Variants in FRMPD3 observed in about 807,000 individuals in gnomAD.
FRMPD3 encodes the protein FERM and PDZ domain containing 3.
In FRMPD3, 42 loss-of-function variants were observed where a neutral mutation model predicts 97.9. The observed-to-expected ratio is 0.43, with a 90% CI of 0.34 to 0.55. The LOEUF (loss-of-function observed/expected upper bound fraction) is 0.55. Ranked by LOEUF, FRMPD3 falls within the 20% of genes least tolerant of loss-of-function variation. The pLI, the probability that FRMPD3 is intolerant of heterozygous loss-of-function variation, is 0.03. For missense variants in FRMPD3, 1,303 were observed against 1,457.7 expected (o/e 0.89, Z 1.73); for synonymous variants, 577 against 581.1 (o/e 0.99, Z 0.10).
chrX:107,500,829 A>G (rs1305862880), intron 1 of FRMPD3, among the ~76,000 whole-genome samples: 1 of 109,588 alleles, frequency 9.1e-6, no homozygotes, highest in East Asian at 2.8e-4. Context: ...AAAAAAAGCA[A>G]TGCCTACTTC....
At chrX:107,488,297 T>C (rs1346952413) in intron 1 of FRMPD3, among the ~76,000 whole-genome samples, 1 of 112,150 alleles carries the variant, frequency 8.9e-6, no homozygotes. Context: ...GGCCTCATCA[T>C]TATGTCTCCA....
Position 107,603,413 on chromosome X carries a change from C to T in FRMPD3, c.*40C>T, listed in dbSNP as rs777244366. The T allele has an allele frequency of 1.2e-5, 13 of 1,119,690 alleles. No homozygotes were observed. The Admixed American group carries it at 1.5e-4, about 13-fold the overall frequency. 92.3% of individuals were successfully genotyped at this position (1,119,690 alleles called of 1,213,427 possible). On this transcript the variant is annotated 3_prime_UTR_variant, in exon 15 of 15. Coordinates refer to ENST00000683843, the MANE Select transcript of FRMPD3 (RefSeq NM_001388459.1). Reference sequence around the variant, plus strand: ...CCTGTCCCCCTTCCCCAACCATGGCCCCAGGTTTGAGCTTTGTGGTCCTTG... The same window carrying T: ...CCTGTCCCCCTTCCCCAACCATGGCTCCAGGTTTGAGCTTTGTGGTCCTTG...
At chrX:107,517,132 G>A (rs1468487157) in intron 1 of FRMPD3, among the ~76,000 whole-genome samples, 1 of 111,889 alleles carries the variant, frequency 8.9e-6, no homozygotes, top group Non-Finnish European at 1.9e-5. Flanking sequence ...ATTAAATAGG[G>A]AATCCTTTCC....
In FRMPD3 at chrX:107,454,313, A is replaced by G. The variant is rs747015941; in HGVS notation, c.-8+4308A>G. Among the ~76,000 whole-genome samples the G allele has an allele frequency of 6.1e-4, 68 of 110,811 alleles. 1 individual carries two copies. The highest frequency in any genetic ancestry group is 2.1e-3 in the African/African-American group (64 of 30,483). On this transcript the variant is annotated intron_variant, in intron 1 of 14. Coordinates refer to ENST00000683843, the MANE Select transcript of FRMPD3 (RefSeq NM_001388459.1). ...GCATGGCTTCCCTTCTCACCTCTTT[A>G]CCAACCATTCCCATTTCTCTAGCCC...
chrX:107,602,825 C>A lies in FRMPD3; in HGVS notation c.4786C>A (p.Leu1596Met). Reference sequence around the variant, plus strand: ...CCCTGATGGCTTCCTGGCTGCCCGGCTGGACACCAACGAGCTGCTGACAGT... The same window carrying A: ...CCCTGATGGCTTCCTGGCTGCCCGGATGGACACCAACGAGCTGCTGACAGT... ...GLPDGFLAAR[L>M]DTNELLTVLR... The change falls in exon 15 of 15, where the codon CTG becomes ATG. Residue 1596 changes from leucine (L) to methionine (M), a missense_variant. By Grantham distance (15) the Leu-to-Met change is conservative. Coordinates refer to ENST00000683843, the MANE Select transcript of FRMPD3 (RefSeq NM_001388459.1). 8.3e-7 allele frequency: 1 copy of A among 1,209,876 alleles called. No homozygotes were observed.
intron 12 of FRMPD3, among the ~76,000 whole-genome samples, chrX:107,575,600 G>C (rs1021048072): frequency 3.6e-5 from 4 of 111,468 alleles, no homozygotes; most frequent in African/African-American, 1.3e-4. Flanking sequence ...ACTGGCGCCT[G>C]CCACCACGCC....
chrX:107,566,601 A>G (rs1281588889), intron 12 of FRMPD3, among the ~76,000 whole-genome samples: 1 of 112,964 alleles, frequency 8.9e-6, no homozygotes, highest in South Asian at 3.6e-4. Flanking sequence ...TGAGTCTTCT[A>G]TGTTCTGAGT....
At chrX:107,575,538 C>T (rs188904615) in intron 12 of FRMPD3, among the ~76,000 whole-genome samples, 250 of 110,927 alleles carry the variant, frequency 2.3e-3, no homozygotes, top group African/African-American at 7.7e-3. Flanking sequence ...GCAACCTCCA[C>T]CTCCCTGATT....
chrX:107,574,845 TCTC>T (rs1923042548), intron 12 of FRMPD3, among the ~76,000 whole-genome samples: 2 of 111,976 alleles, frequency 1.8e-5, no homozygotes, highest in South Asian at 7.4e-4. Flanking sequence ...TCTGCCTAAT[TCTC>T]CTATTTCTTA....
intron 13 of FRMPD3, 81 bp downstream of exon 13, chrX:107,576,540 C>A: frequency 9.4e-7 from 1 of 1,060,141 alleles, no homozygotes; most frequent in Admixed American, 2.4e-5. Context: ...GCTTCTCTGC[C>A]TTAGTGCTCA....
At chrX:107,561,352 T>A (rs998173277) in intron 10 of FRMPD3, among the ~76,000 whole-genome samples, 15 of 110,596 alleles carry the variant, frequency 1.4e-4, no homozygotes, top group East Asian at 2.8e-4. Context: ...AAAAATAATT[T>A]AAAAAAAATG....
intron 4 of FRMPD3, among the ~76,000 whole-genome samples, chrX:107,536,468 T>A (rs975066807): frequency 8.9e-6 from 1 of 112,126 alleles, no homozygotes; most frequent in East Asian, 2.8e-4. Flanking sequence ...TCGAGATTCA[T>A]CCAACTTGTT....
intron 1 of FRMPD3, among the ~76,000 whole-genome samples, chrX:107,493,176 T>TAAA (rs1312094165): frequency 4.0e-4 from 1 of 2,478 alleles, no homozygotes; most frequent in African/African-American, 1.6e-3. Flanking sequence ...CGAGACCCTG[T>TAAA]CAAAAAAAAA....
At chrX:107,471,105 T>C (rs1009146770) in intron 1 of FRMPD3, among the ~76,000 whole-genome samples, 3 of 112,041 alleles carry the variant, frequency 2.7e-5, no homozygotes, top group Non-Finnish European at 5.6e-5. Flanking sequence ...GGTTCAGCAA[T>C]TGCGTTTGTT....
rs907662670 is a variant in FRMPD3, at chrX:107,484,576, C to G, written c.-8+34571C>G. Among the ~76,000 whole-genome samples the G allele has an allele frequency of 2.7e-5, 3 of 112,290 alleles. No individual in the cohort carries two copies. The Admixed American group carries it at 2.8e-4, about 11-fold the overall frequency. On this transcript the variant is annotated intron_variant, in intron 1 of 14. Transcript: ENST00000683843. ...CTCCTGCCCTGACAAGCTGCGTCATCGCTGGCTCCAGCTGGCTCCCCTGGG... is the reference window on the plus strand; with the variant it reads ...CTCCTGCCCTGACAAGCTGCGTCATGGCTGGCTCCAGCTGGCTCCCCTGGG...
At chrX:107,538,638 T>C (rs1202934905) in intron 4 of FRMPD3, among the ~76,000 whole-genome samples, 1 of 108,124 alleles carries the variant, frequency 9.2e-6, no homozygotes, top group African/African-American at 3.3e-5. Flanking sequence ...AATGGCCTAA[T>C]ACCTACTCCT....
chrX:107,522,898 G>A (rs920856157), intron 1 of FRMPD3, among the ~76,000 whole-genome samples: 12 of 108,231 alleles, frequency 1.1e-4, no homozygotes, highest in Non-Finnish European at 2.3e-4. Context: ...GCAAATAGCA[G>A]GCCTCAGAAA....
intron 13 of FRMPD3, among the ~76,000 whole-genome samples, chrX:107,597,110 A>G (rs1052496930): frequency 4.5e-5 from 5 of 111,604 alleles, no homozygotes; most frequent in Non-Finnish European, 9.4e-5. Context: ...TTAGCAGCTC[A>G]GGTTATTAGA....
chrX:107,467,285 A>G (rs1293907198), intron 1 of FRMPD3, among the ~76,000 whole-genome samples: 1 of 106,545 alleles, frequency 9.4e-6, no homozygotes, highest in African/African-American at 3.5e-5. Flanking sequence ...AAAAGTGTAA[A>G]TGTGAGTGTG....
Sources: gnomAD v4.1 joint callset for allele counts (sites outside exome capture counted in the v4.1 genomes callset) on GRCh38, gnomAD v4.1.1 for gene constraint, MANE v1.5 for transcripts, NCBI Gene and HGNC (gene_info 2026-07-23, HGNC 2026-07-21) for gene names.